Variants in POMT2 observed in about 807,000 individuals in gnomAD.
The protein encoded by POMT2 is protein O-mannosyl-transferase 2.
POMT2 carries 75 observed loss-of-function variants against 100.0 expected under a neutral mutation model. The observed-to-expected ratio is 0.75, with a 90% CI of 0.62 to 0.91. The LOEUF is 0.91. Among genes scored for constraint, POMT2 ranks in the 40% least tolerant of loss-of-function variants. The pLI, the probability that POMT2 is intolerant of heterozygous loss-of-function variation, is 0.00. For missense variants in POMT2, 940 were observed against 955.1 expected (o/e 0.98, Z 0.21); for synonymous variants, 378 against 374.1 (o/e 1.01, Z -0.12).
Position 77,280,533 on chromosome 14 carries a change from G to C in POMT2, c.1654-70C>G, listed in dbSNP as rs368268074. ...AGGGCTGACAGAAATGTGGGGCCCA[G>C]GTTTTTCTGATATAGGGCCAAGCGC... On this transcript the variant is annotated intron_variant, in intron 15 of 20. Coordinates refer to ENST00000261534, the MANE Select transcript of POMT2 (RefSeq NM_013382.7). The C allele has an allele frequency of 4.9e-5, 79 of 1,610,526 alleles. No individual in the cohort carries two copies. The African/African-American group carries it at 9.1e-4, about 19-fold the overall frequency.
At chr14:77,282,673 T>C (rs1890276135) in intron 15 of POMT2, among the ~76,000 whole-genome samples, 1 of 152,168 alleles carries the variant, frequency 6.6e-6, no homozygotes, top group African/African-American at 2.4e-5. Context: ...AGAAAGGAAG[T>C]GACCCAGAGA....
intron 20 of POMT2, among the ~76,000 whole-genome samples, chr14:77,277,744 ATT>A (rs1890025180): frequency 1.3e-5 from 2 of 152,180 alleles, no homozygotes; most frequent in African/African-American, 4.8e-5. Context: ...GTCATGGGCT[ATT>A]TGGCCAGGGG....
At chr14:77,298,868 G>A in intron 7 of POMT2, 97 bp from the exon 8 acceptor site, 1 of 1,177,572 alleles carries the variant, frequency 8.5e-7, no homozygotes, top group Admixed American at 2.0e-5. Flanking sequence ...ATAGTTTAAG[G>A]AAAGTAGAAT....
At chr14:77,295,492 C>T (rs1434116118) in intron 9 of POMT2, among the ~76,000 whole-genome samples, 3 of 151,936 alleles carry the variant, frequency 2.0e-5, no homozygotes, top group South Asian at 2.1e-4. Flanking sequence ...ATTAGCCAGG[C>T]GTGGTGGCGG....
chr14:77,297,899 C>T (rs1171684642), intron 8 of POMT2, among the ~76,000 whole-genome samples: 1 of 152,216 alleles, frequency 6.6e-6, no homozygotes, highest in Non-Finnish European at 1.5e-5. Context: ...GCACAGCCTT[C>T]CTGGCCTCCT....
intron 9 of POMT2, among the ~76,000 whole-genome samples, chr14:77,294,886 G>A (rs1215051406): frequency 3.3e-5 from 5 of 152,190 alleles, no homozygotes; most frequent in Non-Finnish European, 5.9e-5. Flanking sequence ...TTTGGAGAGA[G>A]ACAACTTTTT....
intron 1 of POMT2, among the ~76,000 whole-genome samples, chr14:77,317,375 T>C (rs140788033): frequency 6.6e-6 from 1 of 152,360 alleles, no homozygotes; most frequent in Non-Finnish European, 1.5e-5. Flanking sequence ...ACTGTGGCCC[T>C]TGAAACTAAA....
chr14:77,287,096 T>TG, intron 11 of POMT2: 1 of 482,370 alleles, frequency 2.1e-6, no homozygotes, highest in African/African-American at 2.0e-5. Flanking sequence ...GGCAGGGAGG[T>TG]GGGGGGCGAC....
At chr14:77,282,956 G>A (rs1482819000) in intron 15 of POMT2, among the ~76,000 whole-genome samples, 1 of 152,230 alleles carries the variant, frequency 6.6e-6, no homozygotes, top group Non-Finnish European at 1.5e-5. Context: ...CCATAAGCCA[G>A]AATAAGGGGG....
At chr14:77,305,684 G>A (rs908682615) in intron 3 of POMT2, among the ~76,000 whole-genome samples, 1 of 152,250 alleles carries the variant, frequency 6.6e-6, no homozygotes, top group Non-Finnish European at 1.5e-5. Context: ...CCACACTGGA[G>A]GTCAGCTTCT....
intron 7 of POMT2, 145 bp from the exon 8 acceptor site, chr14:77,298,916 A>G (rs1890925389): frequency 6.0e-6 from 5 of 838,594 alleles, no homozygotes; most frequent in Non-Finnish European, 9.9e-6. Flanking sequence ...GAGTTGGAGA[A>G]ACTGGGGTCC....
At chr14:77,311,873 CA>C in intron 2 of POMT2, 75 bp downstream of exon 2, 1 of 1,553,198 alleles carries the variant, frequency 6.4e-7, no homozygotes. Context: ...GCCCCAAATC[CA>C]AAATCAAGAT....
chr14:77,299,280 G>A (rs1474045474), intron 7 of POMT2, among the ~76,000 whole-genome samples, 175 bp downstream of exon 7: 1 of 152,162 alleles, frequency 6.6e-6, no homozygotes, highest in East Asian at 1.9e-4. Context: ...TGGCCTTTCT[G>A]AGCCCTTAGC....
At chr14:77,279,709 G>A in intron 18 of POMT2, 114 bp downstream of exon 18, 3 of 1,009,304 alleles carry the variant, frequency 3.0e-6, no homozygotes, top group East Asian at 5.2e-5. Context: ...GATAAGGGAA[G>A]GTGTGGGGTG....
In POMT2 at chr14:77,298,688, C is replaced by G. The variant is rs533916138; in HGVS notation, c.1006+1G>C. 2 of 1,613,690 alleles carry G rather than the reference C, an allele frequency of 1.2e-6. No homozygotes were observed. Among genetic ancestry groups the G allele is most frequent in the Non-Finnish European group, 1.7e-6 (2 of 1,179,906 alleles). On this transcript the variant is annotated splice_donor_variant, in intron 8 of 20. Coordinates refer to ENST00000261534, the MANE Select transcript of POMT2 (RefSeq NM_013382.7). LOFTEE classifies it high-confidence loss of function. ...CTTTGTAATGGCCCAGAGACACTCA[C>G]GTTCAGGGATGGAAGCATTGTGCAG... is the stretch of plus-strand genomic sequence containing the variant.
rs531509093 is a variant in POMT2 at position 77,309,705 on chromosome 14, T to C, written c.333+2244A>G. On this transcript the variant is annotated intron_variant, in intron 2 of 20. Coordinates refer to ENST00000261534, the MANE Select transcript of POMT2 (RefSeq NM_013382.7). ...TTTATTTATTTATTTATTTTTGAGA[T>C]GGAGTCTTGCTCAGTCGCCCAGGCT... 3.0e-3 allele frequency among the ~76,000 whole-genome samples: 455 copies of C among 152,202 alleles called. 3 individuals carry two copies. The highest frequency in any genetic ancestry group is 0.011 in the African/African-American group (439 of 41,528).
chr14:77,296,441 C>CAA (rs1421738026), intron 8 of POMT2, 168 bp from the exon 9 acceptor site: 1 of 621,724 alleles, frequency 1.6e-6, no homozygotes, highest in Non-Finnish European at 2.9e-6. Context: ...CGACTCAAGA[C>CAA]AGAGTTCACC....
chr14:77,309,035 G>A lies in POMT2; in HGVS notation c.334-2594C>T, dbSNP rs187070553. 3.2e-3 allele frequency among the ~76,000 whole-genome samples: 492 copies of A among 152,232 alleles called. 3 individuals carry two copies. Among genetic ancestry groups the A allele is most frequent in the African/African-American group, 0.011 (474 of 41,526 alleles). On this transcript the variant is annotated intron_variant, in intron 2 of 20. Coordinates refer to ENST00000261534, the MANE Select transcript of POMT2 (RefSeq NM_013382.7). ...GAAGCGCATCTTCATGTGCTAATGT[G>A]GAAAGAAGATATATCATGTTTCAAA...
intron 3 of POMT2, among the ~76,000 whole-genome samples, chr14:77,305,420 G>T (rs1891190919): frequency 6.6e-6 from 1 of 152,166 alleles, no homozygotes; most frequent in Non-Finnish European, 1.5e-5. Context: ...AGACAAGCCA[G>T]AAGAATGGGA....
Sources: allele counts gnomAD v4.1 joint callset (sites outside exome capture counted in the v4.1 genomes callset), GRCh38; gene constraint gnomAD v4.1.1; transcripts MANE v1.5; gene names NCBI Gene and HGNC (gene_info 2026-07-23, HGNC 2026-07-21).